FAM98B: variants seen among roughly 807,000 people sequenced by gnomAD.
The protein encoded by FAM98B is tRNA splicing ligase complex subunit 3B, also known as tRNA-splicing ligase complex subunit FAM98B.
In FAM98B, 32 loss-of-function variants were observed where a neutral mutation model predicts 43.9. That is an observed-to-expected ratio of 0.73 (90% CI 0.55 to 0.98). FAM98B has a LOEUF of 0.98. FAM98B is among the 50% of genes least tolerant of loss of function. The pLI is 0.00. For missense variants in FAM98B, 514 were observed against 522.9 expected (o/e 0.98, Z 0.17); for synonymous variants, 190 against 174.0 (o/e 1.09, Z -0.72).
chr15:38,463,937 T>G, intron 1 of FAM98B, 95 bp from the exon 2 acceptor site: 1 of 1,197,884 alleles, frequency 8.3e-7, no homozygotes, highest in South Asian at 1.9e-5. Flanking sequence ...ACATTTTATT[T>G]ACAAAAACAA....
chr15:38,459,305 T>C, intron 1 of FAM98B: 1 of 499,118 alleles, frequency 2.0e-6, no homozygotes, highest in Non-Finnish European at 4.0e-6. Context: ...CCGATAAAAC[T>C]GGTACTGGAG....
At chr15:38,460,006 C>G (rs1277879984) in intron 1 of FAM98B, among the ~76,000 whole-genome samples, 1 of 152,122 alleles carries the variant, frequency 6.6e-6, no homozygotes, top group Non-Finnish European at 1.5e-5. Flanking sequence ...TATCTCTTGG[C>G]TGATGAAAAT....
chr15:38,471,611 TTAC>T (rs1890131502), intron 4 of FAM98B, among the ~76,000 whole-genome samples: 1 of 152,130 alleles, frequency 6.6e-6, no homozygotes, highest in African/African-American at 2.4e-5. Flanking sequence ...AAGGTAGTTG[TTAC>T]TATGGCCATC....
rs751278043 is a variant in FAM98B at position 38,465,234 on chromosome 15, C to G, written c.218-35C>G. ...ATAGTATTGGATTATATGGTAAATG[C>G]TCAGTAAATGTTTTATGATTTTTCT... On this transcript the variant is annotated intron_variant, in intron 2 of 7. Transcript: ENST00000397609. 14 of 1,580,156 alleles carry G rather than the reference C, an allele frequency of 8.9e-6. No homozygotes were observed. In the Admixed American group the frequency reaches 2.2e-4, roughly 24 times the overall value.
chr15:38,484,407 TGGGGGTGGGGGTGGG>T lies in FAM98B; in HGVS notation c.1051_1065del (p.Gly351_Gly355del). 1 of 296,918 alleles carries T rather than the reference TGGGGGTGGGGGTGGG, an allele frequency of 3.4e-6. No homozygotes were observed. Among genetic ancestry groups the T allele is most frequent in the Non-Finnish European group, 4.4e-6 (1 of 225,838 alleles). 18.4% of individuals were successfully genotyped at this position (296,918 alleles called of 1,614,324 possible). A position where few individuals can be genotyped will look rare whatever the true frequency, so the allele number is the denominator to read the frequency against. ...GTGGAGGTGGTGGTAGAGGAGGTGG[TGGGGGTGGGGGTGGG>T]AGAGGTGGCTGGGGGGGTGGAGGAG... is the stretch of plus-strand genomic sequence containing the variant. On this transcript the variant is annotated inframe_deletion, in exon 8 of 8. Coordinates refer to ENST00000397609, the MANE Select transcript of FAM98B (RefSeq NM_173611.4).
At chr15:38,457,103 G>A (rs1889861140) in intron 1 of FAM98B, among the ~76,000 whole-genome samples, 1 of 152,250 alleles carries the variant, frequency 6.6e-6, no homozygotes, top group Non-Finnish European at 1.5e-5. Context: ...TGGTTGCTTA[G>A]TGGCAGTGGA....
intron 6 of FAM98B, among the ~76,000 whole-genome samples, chr15:38,480,483 C>T (rs1297617556): frequency 1.3e-5 from 2 of 152,058 alleles, no homozygotes; most frequent in East Asian, 1.9e-4. Flanking sequence ...TATACTAGAC[C>T]TGTGCTTGGG....
At chr15:38,481,570 G>T in intron 7 of FAM98B, 111 bp downstream of exon 7, 1 of 1,612,500 alleles carries the variant, frequency 6.2e-7, no homozygotes. Context: ...TTAGAAAAAA[G>T]AGTGGCAGGG....
intron 6 of FAM98B, 26 bp from the exon 7 acceptor site, chr15:38,481,265 CT>C: frequency 6.4e-7 from 1 of 1,572,828 alleles, no homozygotes; most frequent in Non-Finnish European, 8.7e-7. Flanking sequence ...ACTTTTGTTC[CT>C]TTTTTCCTTA....
At chr15:38,454,409 G>A (rs532415753) in intron 1 of FAM98B, among the ~76,000 whole-genome samples, 177 bp downstream of exon 1, 19 of 152,312 alleles carry the variant, frequency 1.2e-4, no homozygotes, top group African/African-American at 4.3e-4. Context: ...AAATCTATTT[G>A]GGGGGTGGAG....
At chr15:38,483,032 C>T (rs528784458) in intron 7 of FAM98B, 1 of 152,226 alleles carries the variant, frequency 6.6e-6, no homozygotes, top group East Asian at 1.9e-4. Flanking sequence ...TGCAGTGATA[C>T]CTGGAATTAT....
intron 7 of FAM98B, among the ~76,000 whole-genome samples, chr15:38,483,894 T>C (rs1274622070): frequency 6.6e-6 from 1 of 151,988 alleles, no homozygotes; most frequent in African/African-American, 2.4e-5. Context: ...ATACATACAA[T>C]GTATAGTGAT....
rs1046854941 is a variant in FAM98B at position 38,481,683 on chromosome 15, T to C, written c.897+224T>C. 5 of 1,339,314 alleles carry C rather than the reference T, an allele frequency of 3.7e-6. No individual in the cohort carries two copies. In the African/African-American group the frequency reaches 4.4e-5, roughly 12 times the overall value. The allele number at this position is 1,339,314 out of a possible 1,614,324, so 83.0% of individuals were successfully genotyped here. A position where few individuals can be genotyped will look rare whatever the true frequency, so the allele number is the denominator to read the frequency against. ...AGTATTTTCTGAATTAGAGGAATTA[T>C]GAATTGTTTTTGTCAAAGCTTTAGC... On this transcript the variant is annotated intron_variant, in intron 7 of 7. Coordinates refer to ENST00000397609, the MANE Select transcript of FAM98B (RefSeq NM_173611.4).
At chr15:38,463,016 T>A (rs1889973262) in intron 1 of FAM98B, among the ~76,000 whole-genome samples, 1 of 152,180 alleles carries the variant, frequency 6.6e-6, no homozygotes, top group African/African-American at 2.4e-5. Flanking sequence ...AGAATAACTG[T>A]GATGGATTAA....
At chr15:38,472,004 A>G (rs1328836890) in intron 4 of FAM98B, among the ~76,000 whole-genome samples, 1 of 152,168 alleles carries the variant, frequency 6.6e-6, no homozygotes, top group Non-Finnish European at 1.5e-5. Flanking sequence ...CTAGACAACC[A>G]TGTGAGGAAA....
chr15:38,461,501 T>A (rs1407248296), intron 1 of FAM98B, among the ~76,000 whole-genome samples: 1 of 152,088 alleles, frequency 6.6e-6, no homozygotes, highest in Non-Finnish European at 1.5e-5. Context: ...AGAATTAGGA[T>A]AATGCTAACT....
chr15:38,484,120 A>T, intron 7 of FAM98B, 135 bp from the exon 8 acceptor site: 1 of 712,260 alleles, frequency 1.4e-6, no homozygotes, highest in East Asian at 3.1e-5. Context: ...TTTTAATATT[A>T]ATTTGTTCTG....
chr15:38,470,709 G>A (rs1417889632), intron 4 of FAM98B: 1 of 181,534 alleles, frequency 5.5e-6, no homozygotes, highest in African/African-American at 2.3e-5. Context: ...TGTAGTATAA[G>A]AAAGAAAGAA....
At chr15:38,457,992 G>A (rs991235187) in intron 1 of FAM98B, among the ~76,000 whole-genome samples, 13 of 148,294 alleles carry the variant, frequency 8.8e-5, no homozygotes, top group Admixed American at 8.1e-4. Flanking sequence ...AGAATTTTCA[G>A]AGTCAAAAGA....
Sources: allele counts gnomAD v4.1 joint callset (sites outside exome capture counted in the v4.1 genomes callset), GRCh38; gene constraint gnomAD v4.1.1; transcripts MANE v1.5; gene names NCBI Gene and HGNC (gene_info 2026-07-23, HGNC 2026-07-21).